Variants in ST6GALNAC3 observed in about 807,000 individuals in gnomAD.
ST6GALNAC3 encodes the protein ST6 N-acetylgalactosaminide alpha-2,6-sialyltransferase 3.
ST6GALNAC3 carries 25 observed loss-of-function variants against 32.7 expected under a neutral mutation model. That is an observed-to-expected ratio of 0.76 (90% CI 0.56 to 1.07). The LOEUF is 1.07. ST6GALNAC3 is among the 50% of genes least tolerant of loss of function. The pLI is 0.00. For synonymous variants in ST6GALNAC3, 129 were observed against 133.1 expected, an observed-to-expected ratio of 0.97 and a Z score of 0.21; for missense variants, 355 against 382.4, an observed-to-expected ratio of 0.93 and a Z score of 0.60.
At chr1:76,363,025 AG>A (rs1481233572) in intron 2 of ST6GALNAC3, among the ~76,000 whole-genome samples, 4 of 152,220 alleles carry the variant, frequency 2.6e-5, no homozygotes, top group Admixed American at 2.6e-4. Context: ...GCCCTGGTAA[AG>A]GTTCTCCATG....
chr1:76,202,694 G>T (rs1654600027), intron 1 of ST6GALNAC3, among the ~76,000 whole-genome samples: 1 of 152,124 alleles, frequency 6.6e-6, no homozygotes. Flanking sequence ...ATTCAATCTT[G>T]GATGTTGAGT....
intron 1 of ST6GALNAC3, among the ~76,000 whole-genome samples, chr1:76,230,716 C>T (rs1227535653): frequency 1.3e-5 from 2 of 152,110 alleles, no homozygotes; most frequent in Non-Finnish European, 2.9e-5. Flanking sequence ...ATGCCTTTTC[C>T]TTTTCTCTTT....
At chr1:76,135,332 AGTAT>A (rs1409105329) in intron 1 of ST6GALNAC3, among the ~76,000 whole-genome samples, 1 of 152,190 alleles carries the variant, frequency 6.6e-6, no homozygotes, top group East Asian at 1.9e-4. Context: ...TTTTTAACTT[AGTAT>A]GTAAGTATGT....
In ST6GALNAC3 at chr1:76,630,375, G is replaced by A. The variant is rs41291528; in HGVS notation, c.*1569G>A. The A allele has an allele frequency of 0.013, 12,703 of 984,992 alleles. 86 individuals are homozygous for A. The highest frequency in any genetic ancestry group is 0.014 in the Non-Finnish European group (11,965 of 829,766). The allele number at this position is 984,992 out of a possible 1,614,324, so 61.0% of individuals were successfully genotyped here. ...AGGTGGGGAAAAAATGAAAAAGCAGGGACAACAGGAGGAAATGAAGGCAGA... is the reference window on the plus strand; with the variant it reads ...AGGTGGGGAAAAAATGAAAAAGCAGAGACAACAGGAGGAAATGAAGGCAGA... On this transcript the variant is annotated 3_prime_UTR_variant, in exon 5 of 5. Transcript: ENST00000328299.
chr1:76,099,510 C>A (rs1251569), intron 1 of ST6GALNAC3, among the ~76,000 whole-genome samples: 1 of 152,054 alleles, frequency 6.6e-6, no homozygotes, highest in Non-Finnish European at 1.5e-5. Context: ...AATGCACTGT[C>A]GATACATGCA....
intron 4 of ST6GALNAC3, among the ~76,000 whole-genome samples, chr1:76,627,969 G>A (rs1169388952): frequency 6.6e-6 from 1 of 151,952 alleles, no homozygotes; most frequent in African/African-American, 2.4e-5. Context: ...CAGCCTCAGA[G>A]AAACTGACAG....
intron 1 of ST6GALNAC3, among the ~76,000 whole-genome samples, chr1:76,142,637 A>G (rs1326869973): frequency 6.6e-6 from 1 of 152,222 alleles, no homozygotes; most frequent in Non-Finnish European, 1.5e-5. Context: ...TGAGTTGCAT[A>G]AGATGGGAAT....
At chr1:76,323,280 A>G (rs1345100410) in intron 2 of ST6GALNAC3, among the ~76,000 whole-genome samples, 1 of 152,224 alleles carries the variant, frequency 6.6e-6, no homozygotes, top group Non-Finnish European at 1.5e-5. Flanking sequence ...TATAATGACT[A>G]GAAATAAATA....
intron 3 of ST6GALNAC3, among the ~76,000 whole-genome samples, chr1:76,582,936 T>G (rs1435670817): frequency 6.6e-6 from 1 of 152,212 alleles, no homozygotes; most frequent in Non-Finnish European, 1.5e-5. Context: ...TTTGAACCCA[T>G]GTACCATTTA....
chr1:76,408,100 G>A (rs745995765), intron 2 of ST6GALNAC3, among the ~76,000 whole-genome samples: 2 of 152,006 alleles, frequency 1.3e-5, no homozygotes, highest in African/African-American at 2.4e-5. Context: ...GTATAAATGA[G>A]TCCCTTGGGC....
chr1:76,294,585 G>C (rs1434562878), intron 1 of ST6GALNAC3, among the ~76,000 whole-genome samples: 1 of 152,008 alleles, frequency 6.6e-6, no homozygotes, highest in Non-Finnish European at 1.5e-5. Context: ...CCTGTTATTT[G>C]TCAGTGTTTA....
In ST6GALNAC3 at chr1:76,149,775, A is replaced by C. The variant is rs145944313; in HGVS notation, c.18+74891A>C. Among the ~76,000 whole-genome samples, 328 of 152,310 alleles carry C rather than the reference A, an allele frequency of 2.2e-3. 9 individuals are homozygous for C. The highest frequency in any genetic ancestry group is 0.019 in the Admixed American group (294 of 15,302). On this transcript the variant is annotated intron_variant, in intron 1 of 4. Coordinates refer to ENST00000328299, the MANE Select transcript of ST6GALNAC3 (RefSeq NM_152996.4). ...TTCCATATCTTTGCTTTTGTGAAGA[A>C]TGATGTGATGACCACAGGGCTGCAG...
chr1:76,209,654 C>T (rs1420184154), intron 1 of ST6GALNAC3, among the ~76,000 whole-genome samples: 1 of 152,168 alleles, frequency 6.6e-6, no homozygotes, highest in Non-Finnish European at 1.5e-5. Flanking sequence ...AAGATGAAGC[C>T]ATTGGTGCCC....
intron 1 of ST6GALNAC3, among the ~76,000 whole-genome samples, chr1:76,134,124 C>T (rs558978210): frequency 6.6e-6 from 1 of 152,338 alleles, no homozygotes; most frequent in East Asian, 1.9e-4. Flanking sequence ...GGACACCTGG[C>T]TTCTAAATTA....
downstream of ST6GALNAC3, among the ~76,000 whole-genome samples, chr1:76,636,366 T>G (rs964856656): frequency 6.6e-6 from 1 of 152,188 alleles, no homozygotes; most frequent in South Asian, 2.1e-4. Flanking sequence ...CCTTTCAAGA[T>G]GTCACAGAGA....
intron 3 of ST6GALNAC3, among the ~76,000 whole-genome samples, chr1:76,470,795 G>A (rs1658974749): frequency 1.3e-5 from 2 of 152,168 alleles, no homozygotes; most frequent in East Asian, 3.9e-4. Flanking sequence ...CTGGAAGTGG[G>A]ATTAGCTCCA....
intron 1 of ST6GALNAC3, among the ~76,000 whole-genome samples, chr1:76,158,032 T>A (rs1457466635): frequency 6.6e-6 from 1 of 152,200 alleles, no homozygotes; most frequent in African/African-American, 2.4e-5. Flanking sequence ...AACTCCCCAC[T>A]ATGCTGCCTA....
intron 3 of ST6GALNAC3, among the ~76,000 whole-genome samples, chr1:76,558,952 AAAG>A (rs991662639): frequency 1.3e-5 from 2 of 152,140 alleles, no homozygotes; most frequent in Non-Finnish European, 1.5e-5. Context: ...AAAAAAGAAA[AAAG>A]AGGAGGCAAT....
intron 2 of ST6GALNAC3, among the ~76,000 whole-genome samples, chr1:76,375,306 C>T (rs1255546795): frequency 6.6e-6 from 1 of 151,666 alleles, no homozygotes; most frequent in East Asian, 1.9e-4. Context: ...TCAAGGAGGA[C>T]AAATTATAAA....
Sources: gnomAD v4.1 joint callset for allele counts (sites outside exome capture counted in the v4.1 genomes callset) on GRCh38, gnomAD v4.1.1 for gene constraint, MANE v1.5 for transcripts, NCBI Gene and HGNC (gene_info 2026-07-23, HGNC 2026-07-21) for gene names.